COPS7B: variants seen among roughly 807,000 people sequenced by gnomAD.
COPS7B encodes the protein COP9 signalosome subunit 7B.
COPS7B carries 9 observed loss-of-function variants against 33.4 expected under a neutral mutation model. The ratio of observed to expected loss-of-function variants is 0.27; its 90% CI spans 0.16 to 0.47. COPS7B has a LOEUF of 0.47. Among genes scored for constraint, COPS7B ranks in the 20% least tolerant of loss-of-function variants. The pLI is 0.99. For synonymous variants in COPS7B, 119 were observed against 126.3 expected, an observed-to-expected ratio of 0.94 and a Z score of 0.39; for missense variants, 242 against 318.2, an observed-to-expected ratio of 0.76 and a Z score of 1.82.
At chr2:231,781,912 C>T (rs1026607693), upstream of COPS7B, 10 of 1,543,528 alleles carry the variant, frequency 6.5e-6, no homozygotes, top group African/African-American at 1.1e-4. Flanking sequence ...AACAAAAACA[C>T]TGATTAAACC....
At chr2:231,799,389 T>G (rs866650698) in intron 6 of COPS7B, among the ~76,000 whole-genome samples, 27 of 152,320 alleles carry the variant, frequency 1.8e-4, no homozygotes, top group Non-Finnish European at 2.5e-4. Flanking sequence ...CTTCTTAAGT[T>G]GCGTGGTGGG....
intron 6 of COPS7B, among the ~76,000 whole-genome samples, chr2:231,805,011 A>G (rs374824087): frequency 4.2e-4 from 64 of 152,228 alleles, no homozygotes; most frequent in Middle Eastern, 6.8e-3. Context: ...TGAGAAGTCA[A>G]ATTTCTTAAT....
chr2:231,785,498 C>T (rs1410332235), upstream of COPS7B, among the ~76,000 whole-genome samples: 1 of 152,076 alleles, frequency 6.6e-6, no homozygotes, highest in Non-Finnish European at 1.5e-5. Context: ...AAAGTGTTGT[C>T]ATATCTTCCC....
intron 1 of COPS7B, among the ~76,000 whole-genome samples, chr2:231,786,781 A>G (rs1424642800): frequency 6.6e-6 from 1 of 151,480 alleles, no homozygotes; most frequent in Non-Finnish European, 1.5e-5. Flanking sequence ...TCGCTCTCCC[A>G]TCCCCAAAGG....
intron 6 of COPS7B, chr2:231,801,332 C>T (rs987518570): frequency 2.0e-6 from 3 of 1,482,212 alleles, no homozygotes; most frequent in Non-Finnish European, 2.7e-6. Context: ...TTCCAGCATA[C>T]CTGGGGGACC....
upstream of COPS7B, chr2:231,781,908 A>G (rs1404948501): frequency 1.3e-6 from 2 of 1,546,174 alleles, no homozygotes; most frequent in Non-Finnish European, 1.7e-6. Context: ...AACAAACAAA[A>G]ACACTGATTA....
chr2:231,807,003 G>A (rs967163412), intron 6 of COPS7B, among the ~76,000 whole-genome samples: 1 of 152,198 alleles, frequency 6.6e-6, no homozygotes. Context: ...TACTGCACAC[G>A]GTAGTGTCAT....
Position 231,796,259 on chromosome 2 carries a change from G to A in COPS7B, c.481G>A (p.Asp161Asn). The change falls in exon 5 of 7, where the codon GAC becomes AAC. Residue 161 changes from aspartate to asparagine, a missense_variant. Transcript: ENST00000350033. ...GGAAGTGGATTTCTGCATTGGCCGT[G>A]ACATCCGAAAGAAGGATATCAATAA... ...LLEVDFCIGR[D>N]IRKKDINNIV... is the part of the protein sequence containing the mutation. The A allele has an allele frequency of 1.2e-6, 2 of 1,614,178 alleles. No individual in the cohort carries two copies. Among genetic ancestry groups the A allele is most frequent in the Non-Finnish European group, 1.7e-6 (2 of 1,180,034 alleles).
chr2:231,784,911 C>G (rs1314133902), upstream of COPS7B, among the ~76,000 whole-genome samples: 1 of 152,232 alleles, frequency 6.6e-6, no homozygotes, highest in Non-Finnish European at 1.5e-5. Flanking sequence ...CTCCTGGGTT[C>G]AAGCGATTCT....
chr2:231,792,452 G>A (rs985708369), intron 3 of COPS7B, among the ~76,000 whole-genome samples: 2 of 152,088 alleles, frequency 1.3e-5, no homozygotes, highest in Non-Finnish European at 2.9e-5. Flanking sequence ...AGATTGCACC[G>A]CTGTACTCCA....
At chr2:231,792,812 G>A (rs2049456338) in intron 3 of COPS7B, among the ~76,000 whole-genome samples, 1 of 151,884 alleles carries the variant, frequency 6.6e-6, no homozygotes, top group Admixed American at 6.6e-5. Flanking sequence ...ATTTTTTTCT[G>A]GCTTTCCTAC....
At chr2:231,798,710 G>A (rs2049652375) in intron 5 of COPS7B, 149 bp from the exon 6 acceptor site, 2 of 627,454 alleles carry the variant, frequency 3.2e-6, no homozygotes, top group Admixed American at 5.7e-5. Flanking sequence ...TCTTTGGGAA[G>A]GAGTGAACGG....
At chr2:231,789,792 C>G (rs894716492) in intron 2 of COPS7B, 1 of 152,178 alleles carries the variant, frequency 6.6e-6, no homozygotes, top group East Asian at 1.9e-4. Flanking sequence ...AAGGAGTTGC[C>G]GGCCTTCAGT....
intron 2 of COPS7B, chr2:231,789,891 A>G (rs908114606): frequency 1.3e-5 from 2 of 152,086 alleles, no homozygotes; most frequent in Non-Finnish European, 2.9e-5. Context: ...CAGGTGCCCA[A>G]TTATGTCTCC....
In COPS7B at chr2:231,800,266, C is replaced by T. The variant is rs867841390; in HGVS notation, c.636+1302C>T. On this transcript the variant is annotated intron_variant, in intron 6 of 6. Coordinates refer to ENST00000350033, the MANE Select transcript of COPS7B (RefSeq NM_022730.4). The stretch of plus-strand genomic sequence containing the variant: ...GCAAGGAAGTGTTAACTATATTTAA[C>T]ATTAGTCCAAAGCAAAGACAATTAG... 9.8e-5 allele frequency among the ~76,000 whole-genome samples: 15 copies of T among 152,334 alleles called. 1 individual carries two copies. The Middle Eastern group carries it at 0.01, about 104-fold the overall frequency.
chr2:231,783,859 C>T (rs965152035), upstream of COPS7B, among the ~76,000 whole-genome samples: 1 of 152,128 alleles, frequency 6.6e-6, no homozygotes, highest in Non-Finnish European at 1.5e-5. Context: ...GCCTCTGCCT[C>T]GCAAGTAGCT....
chr2:231,803,633 A>G lies in COPS7B; in HGVS notation c.637-3854A>G, dbSNP rs182469590. The stretch of plus-strand genomic sequence containing the variant: ...TATTTGTTCAAAAGCTTTTGACAGG[A>G]TCTTGAATCTCAAAGGCTTTTAAAT... On this transcript the variant is annotated intron_variant, in intron 6 of 6. Transcript: ENST00000350033. 2.0e-5 allele frequency among the ~76,000 whole-genome samples: 3 copies of G among 152,250 alleles called. No individual in the cohort carries two copies. In the East Asian group the frequency reaches 5.8e-4, roughly 29 times the overall value.
At chr2:231,794,141 G>C (rs766515984) in intron 3 of COPS7B, 122 bp from the exon 4 acceptor site, 52 of 655,134 alleles carry the variant, frequency 7.9e-5, no homozygotes, top group Non-Finnish European at 1.2e-4. Flanking sequence ...AAATGAATAA[G>C]TGCAAAGTCA....
chr2:231,802,953 G>T (rs1052134545), intron 6 of COPS7B, among the ~76,000 whole-genome samples: 1 of 152,270 alleles, frequency 6.6e-6, no homozygotes, highest in African/African-American at 2.4e-5. Flanking sequence ...GGCCTTTGTG[G>T]AGGATAAAAG....
Sources: allele counts gnomAD v4.1 joint callset (sites outside exome capture counted in the v4.1 genomes callset), GRCh38; gene constraint gnomAD v4.1.1; transcripts MANE v1.5; gene names NCBI Gene and HGNC (gene_info 2026-07-23, HGNC 2026-07-21).